Variants in SHISA9 observed in about 807,000 individuals in gnomAD.
The protein encoded by SHISA9 is shisa family member 9, also known as protein shisa-9.
In SHISA9, 13 loss-of-function variants were observed where a neutral mutation model predicts 38.0. The ratio of observed to expected loss-of-function variants is 0.34; its 90% CI spans 0.22 to 0.54. The LOEUF (loss-of-function observed/expected upper bound fraction) is 0.54. Ranked by LOEUF, SHISA9 falls within the 20% of genes least tolerant of loss-of-function variation. The pLI is 0.91. For synonymous variants in SHISA9, 275 were observed against 242.0 expected, an observed-to-expected ratio of 1.14 and a Z score of -1.27; for missense variants, 538 against 575.8, an observed-to-expected ratio of 0.93 and a Z score of 0.67.
At chr16:12,970,348 T>C (rs1256639661) in intron 2 of SHISA9, among the ~76,000 whole-genome samples, 7 of 71,312 alleles carry the variant, frequency 9.8e-5, no homozygotes, top group Non-Finnish European at 2.7e-5. Context: ...TATATACATA[T>C]ATGTGTATAT....
chr16:13,342,636 C>G, the SHISA9 span, among the ~76,000 whole-genome samples: 2 of 152,168 alleles, frequency 1.3e-5, no homozygotes, highest in African/African-American at 4.8e-5. Context: ...AGGCAACAAA[C>G]TCTAATACAA....
At chr16:13,386,455 G>A in the SHISA9 span, among the ~76,000 whole-genome samples, 1 of 152,114 alleles carries the variant, frequency 6.6e-6, no homozygotes, top group Non-Finnish European at 1.5e-5. Context: ...CCACTCAGTA[G>A]CCTTGAGGGA....
chr16:13,337,033 C>T, the SHISA9 span, among the ~76,000 whole-genome samples: 2 of 152,284 alleles, frequency 1.3e-5, no homozygotes, highest in Admixed American at 1.3e-4. Context: ...AGTATGATGA[C>T]AAATGTTAAC....
the SHISA9 span, among the ~76,000 whole-genome samples, chr16:13,383,321 G>C: frequency 2.0e-5 from 3 of 152,312 alleles, no homozygotes; most frequent in South Asian, 6.2e-4. Context: ...AGGCAGGAGT[G>C]TGTGTAAAAT....
At position 12,955,166 on chromosome 16, in the gene SHISA9, C is replaced by A. The variant is rs2071812284; in HGVS notation, c.691+38351C>A. Among the ~76,000 whole-genome samples the A allele has an allele frequency of 2.6e-5, 4 of 152,122 alleles. No individual in the cohort carries two copies. The South Asian group carries it at 6.2e-4, about 24-fold the overall frequency. ...TTTATTTCCTGTGGGATTGTCTCTG[C>A]TGTCCCTGACAAAGGCTCTAGACAA... On this transcript the variant is annotated intron_variant, in intron 2 of 4. Transcript: ENST00000558583.
chr16:12,940,862 G>T (rs1365494169), intron 2 of SHISA9, among the ~76,000 whole-genome samples: 3 of 151,460 alleles, frequency 2.0e-5, no homozygotes, highest in African/African-American at 2.4e-5. Flanking sequence ...CTGTGTAGAT[G>T]AAATGGAATA....
intron 2 of SHISA9, among the ~76,000 whole-genome samples, chr16:12,990,675 G>C (rs2072373142): frequency 6.6e-6 from 1 of 152,120 alleles, no homozygotes; most frequent in Non-Finnish European, 1.5e-5. Context: ...ATGGGGGGTG[G>C]TGCTATTGGC....
intron 2 of SHISA9, among the ~76,000 whole-genome samples, chr16:12,969,191 T>C (rs1335861697): frequency 6.7e-6 from 1 of 148,298 alleles, no homozygotes; most frequent in East Asian, 2.0e-4. Flanking sequence ...AAAACGGAGG[T>C]GCACACGATT....
At chr16:13,169,095 A>C (rs1217584005) in intron 2 of SHISA9, among the ~76,000 whole-genome samples, 2 of 152,148 alleles carry the variant, frequency 1.3e-5, no homozygotes, top group African/African-American at 4.8e-5. Context: ...GGAAGACCTC[A>C]CACCTGTTTC....
chr16:12,981,467 C>T (rs1462119532), intron 2 of SHISA9, among the ~76,000 whole-genome samples: 1 of 152,190 alleles, frequency 6.6e-6, no homozygotes, highest in African/African-American at 2.4e-5. Flanking sequence ...CAGATTCAAG[C>T]CATCCCCCGC....
At chr16:13,486,188 G>C in the SHISA9 span, among the ~76,000 whole-genome samples, 2 of 152,216 alleles carry the variant, frequency 1.3e-5, no homozygotes, top group African/African-American at 4.8e-5. Flanking sequence ...AACTCAGAAA[G>C]AGACTTGGAA....
chr16:13,470,041 G>C, the SHISA9 span, among the ~76,000 whole-genome samples: 1 of 152,030 alleles, frequency 6.6e-6, no homozygotes, highest in African/African-American at 2.4e-5. Flanking sequence ...AATCAAATGA[G>C]GTGTTTGTAT....
intron 3 of SHISA9, among the ~76,000 whole-genome samples, chr16:13,210,332 C>T (rs1355124145): frequency 6.6e-6 from 1 of 152,050 alleles, no homozygotes; most frequent in Non-Finnish European, 1.5e-5. Context: ...TGATCATGTG[C>T]CCTTAAGATG....
At chr16:13,404,858 G>C in the SHISA9 span, among the ~76,000 whole-genome samples, 5 of 152,274 alleles carry the variant, frequency 3.3e-5, no homozygotes, top group Admixed American at 2.6e-4. Context: ...GCATCTTCTA[G>C]GGGGCTTTTA....
At chr16:13,318,354 G>A in the SHISA9 span, among the ~76,000 whole-genome samples, 19 of 151,160 alleles carry the variant, frequency 1.3e-4, no homozygotes, top group South Asian at 6.3e-4. Flanking sequence ...ACAGAGTCTC[G>A]CTCTGTTGCC....
At chr16:13,479,571 T>C in the SHISA9 span, among the ~76,000 whole-genome samples, 2 of 152,030 alleles carry the variant, frequency 1.3e-5, no homozygotes, top group Non-Finnish European at 2.9e-5. Context: ...CTCCATTTCA[T>C]CATGCAATTA....
At chr16:13,438,600 T>C in the SHISA9 span, among the ~76,000 whole-genome samples, 1 of 152,216 alleles carries the variant, frequency 6.6e-6, no homozygotes, top group Non-Finnish European at 1.5e-5. Flanking sequence ...AGACATATCA[T>C]TGTTATTCGG....
At chr16:13,335,346 G>A in the SHISA9 span, among the ~76,000 whole-genome samples, 1 of 152,160 alleles carries the variant, frequency 6.6e-6, no homozygotes, top group Admixed American at 6.5e-5. Flanking sequence ...GATGGAGTAG[G>A]TTGTTTCTAG....
intron 2 of SHISA9, among the ~76,000 whole-genome samples, chr16:13,020,406 T>A (rs1380297959): frequency 6.6e-6 from 1 of 152,170 alleles, no homozygotes; most frequent in Non-Finnish European, 1.5e-5. Context: ...CTCCCCCGTA[T>A]GTATCCATGT....
Sources: allele counts gnomAD v4.1 joint callset (sites outside exome capture counted in the v4.1 genomes callset), GRCh38; gene constraint gnomAD v4.1.1; transcripts MANE v1.5; gene names NCBI Gene and HGNC (gene_info 2026-07-23, HGNC 2026-07-21).